The following GCFC2 variants were observed in gnomAD, a reference collection of about 807,000 sequenced individuals.
GCFC2 encodes the protein GC-rich sequence DNA-binding factor 2, also known as intron Large complex component GCFC2.
In GCFC2, 102 loss-of-function variants were observed where a neutral mutation model predicts 99.4. The ratio of observed to expected loss-of-function variants is 1.03; its 90% CI spans 0.87 to 1.21. The LOEUF (loss-of-function observed/expected upper bound fraction) is 1.21, where lower values mean the gene tolerates loss of function less well. Ranked by LOEUF, GCFC2 falls within the 50% of genes most tolerant of loss-of-function variation. GCFC2 has a pLI of 0.00. For synonymous variants in GCFC2, 338 were observed against 316.8 expected, an observed-to-expected ratio of 1.07 and a Z score of -0.71; for missense variants, 973 against 920.9, an observed-to-expected ratio of 1.06 and a Z score of -0.73.
intron 4 of GCFC2, among the ~76,000 whole-genome samples, chr2:75,699,608 ACT>A (rs113836658): frequency 0.015 from 2,225 of 152,190 alleles, 54 homozygotes; most frequent in African/African-American, 0.045. Context: ...ACAGGGTCTC[ACT>A]CTGTTGCCCA....
intron 16 of GCFC2, among the ~76,000 whole-genome samples, 162 bp downstream of exon 16, chr2:75,665,767 C>T (rs1369957336): frequency 6.6e-6 from 1 of 152,176 alleles, no homozygotes; most frequent in Non-Finnish European, 1.5e-5. Flanking sequence ...TATGGATATG[C>T]ATAAGCCATC....
At chr2:75,705,410 T>G (rs1680807951) in intron 2 of GCFC2, among the ~76,000 whole-genome samples, 1 of 151,394 alleles carries the variant, frequency 6.6e-6, no homozygotes, top group African/African-American at 2.4e-5. Flanking sequence ...GATCAAGAGG[T>G]CAGGAGATCG....
In GCFC2 at chr2:75,710,739, A is replaced by C. The variant is rs1435722590; in HGVS notation, c.117T>G (p.Gly39=). The C allele has an allele frequency of 6.4e-7, 1 of 1,560,932 alleles. No homozygotes were observed. The highest frequency in any genetic ancestry group is 8.6e-7 in the Non-Finnish European group (1 of 1,157,682). The change falls in exon 1 of 17, where the codon GGT becomes GGG. Residue 39 remains glycine, a synonymous_variant. Transcript: ENST00000321027. ...CAGAGGGCGGCTCTTCCTCCGCAGA[A>C]CCCGGGACCGGAAGTTCCCTCGGCG... ...PGAPRELPVP[G]SAEEEPPSGG... is the part of the protein sequence containing the mutation.
intron 12 of GCFC2, among the ~76,000 whole-genome samples, chr2:75,674,446 A>G (rs1264972068): frequency 6.6e-6 from 1 of 152,198 alleles, no homozygotes; most frequent in East Asian, 1.9e-4. Flanking sequence ...ACGCAATGAG[A>G]TAACATTAAG....
At chr2:75,699,178 T>C (rs1417794957) in intron 4 of GCFC2, among the ~76,000 whole-genome samples, 1 of 152,170 alleles carries the variant, frequency 6.6e-6, no homozygotes, top group Non-Finnish European at 1.5e-5. Context: ...AGTCATGCAA[T>C]GCCTAACAGG....
At chr2:75,683,033 C>T (rs938417069) in intron 11 of GCFC2, among the ~76,000 whole-genome samples, 8 of 151,760 alleles carry the variant, frequency 5.3e-5, no homozygotes, top group East Asian at 1.9e-4. Flanking sequence ...GGACATTATC[C>T]GGAAGAACTT....
At chr2:75,693,177 GCCTATAAC>G (rs1173321807) in intron 6 of GCFC2, among the ~76,000 whole-genome samples, 1 of 152,164 alleles carries the variant, frequency 6.6e-6, no homozygotes, top group East Asian at 1.9e-4. Context: ...AGTGGCTCAG[GCCTATAAC>G]CCTAGCACTT....
intron 11 of GCFC2, among the ~76,000 whole-genome samples, chr2:75,686,896 T>A (rs1255874356): frequency 1.3e-5 from 2 of 152,070 alleles, no homozygotes; most frequent in South Asian, 2.1e-4. Context: ...TAATGTTAAG[T>A]GCTCATAGCT....
intron 5 of GCFC2, among the ~76,000 whole-genome samples, chr2:75,694,912 C>T (rs1680237248): frequency 6.6e-6 from 1 of 151,984 alleles, no homozygotes; most frequent in Non-Finnish European, 1.5e-5. Context: ...ACATAAGAAA[C>T]TGGTAGCAAT....
At chr2:75,684,469 A>G (rs187133014) in intron 11 of GCFC2, among the ~76,000 whole-genome samples, 81 of 152,360 alleles carry the variant, frequency 5.3e-4, no homozygotes, top group Non-Finnish European at 1.0e-3. Flanking sequence ...CCTGGGACAC[A>G]TTTAAAGCAG....
At position 75,675,750 on chromosome 2, in the gene GCFC2, A is replaced by AAC. The variant is rs967174579; in HGVS notation, c.1813-2231_1813-2230insGT. On this transcript the variant is annotated intron_variant, in intron 12 of 16. Transcript: ENST00000321027. ...CAGAGTAAGGTTCTGTCAAAAAAAA[A>AAC]AAAAAAAACAAAAAAAAGAAAAGAA... 1.5e-4 allele frequency among the ~76,000 whole-genome samples: 23 copies of AAC among 151,294 alleles called. 1 individual carries two copies. The highest frequency in any genetic ancestry group is 5.6e-4 in the African/African-American group (23 of 41,196).
intron 6 of GCFC2, among the ~76,000 whole-genome samples, chr2:75,693,007 T>C (rs933508014): frequency 1.4e-4 from 22 of 152,226 alleles, no homozygotes; most frequent in African/African-American, 5.3e-4. Flanking sequence ...TTTAACAGTG[T>C]AATTTTTCAA....
At chr2:75,693,564 G>A (rs1680181776) in intron 6 of GCFC2, among the ~76,000 whole-genome samples, 1 of 152,014 alleles carries the variant, frequency 6.6e-6, no homozygotes, top group Non-Finnish European at 1.5e-5. Context: ...TAAAAACTTA[G>A]TATGCATAAA....
At chr2:75,681,550 T>C (rs532411902) in intron 11 of GCFC2, among the ~76,000 whole-genome samples, 1 of 151,886 alleles carries the variant, frequency 6.6e-6, no homozygotes, top group South Asian at 2.1e-4. Flanking sequence ...TTTTAATTTT[T>C]ATTTTTTCAT....
chr2:75,707,115 C>T (rs2104425965), intron 1 of GCFC2, among the ~76,000 whole-genome samples: 1 of 152,226 alleles, frequency 6.6e-6, no homozygotes, highest in African/African-American at 2.4e-5. Context: ...ATAAAGAACA[C>T]CAACTCGGGC....
intron 15 of GCFC2, among the ~76,000 whole-genome samples, chr2:75,666,355 T>A (rs546971131): frequency 6.6e-6 from 1 of 152,186 alleles, no homozygotes; most frequent in East Asian, 1.9e-4. Context: ...AATTTACAAC[T>A]AAAAACCAAA....
chr2:75,696,363 C>A (rs759624517), intron 4 of GCFC2, 48 bp from the exon 5 acceptor site: 6 of 830,170 alleles, frequency 7.2e-6, no homozygotes, highest in Non-Finnish European at 1.3e-5. Flanking sequence ...TTTCATTTAC[C>A]TTTGAAACAT....
chr2:75,701,133 G>C, intron 4 of GCFC2, 57 bp downstream of exon 4: 1 of 939,008 alleles, frequency 1.1e-6, no homozygotes, highest in East Asian at 2.4e-5. Context: ...CCAAGTTTGT[G>C]GTAATTTGTT....
At chr2:75,675,805 C>T (rs1193968618) in intron 12 of GCFC2, among the ~76,000 whole-genome samples, 3 of 150,840 alleles carry the variant, frequency 2.0e-5, no homozygotes, top group African/African-American at 4.9e-5. Flanking sequence ...ATTTTAAAAC[C>T]GTGAGATATT....
Sources: allele counts gnomAD v4.1 joint callset (sites outside exome capture counted in the v4.1 genomes callset), GRCh38; gene constraint gnomAD v4.1.1; transcripts MANE v1.5; gene names NCBI Gene and HGNC (gene_info 2026-07-23, HGNC 2026-07-21).